The following PTCHD1 variants were observed in gnomAD, a reference collection of about 807,000 sequenced individuals.
The protein encoded by PTCHD1 is patched domain-containing protein 1.
A neutral mutation model predicts 34.6 loss-of-function variants in PTCHD1; 3 were observed. That is an observed-to-expected ratio of 0.09 (90% CI 0.04 to 0.22). The LOEUF is 0.22. PTCHD1 is among the 10% of genes least tolerant of loss of function. The pLI is 1.00. For synonymous variants in PTCHD1, 305 were observed against 283.1 expected (o/e 1.08, Z -0.77); for missense variants, 504 against 685.5 (o/e 0.74, Z 2.96).
At chrX:23,389,872 T>C (rs1005086996) in intron 2 of PTCHD1, among the ~76,000 whole-genome samples, 2 of 112,118 alleles carry the variant, frequency 1.8e-5, no homozygotes, top group African/African-American at 6.5e-5. Flanking sequence ...GCATTTAAAA[T>C]GCAGCAACAG....
At chrX:23,337,963 G>A (rs926692117) in intron 1 of PTCHD1, among the ~76,000 whole-genome samples, 9 of 111,828 alleles carry the variant, frequency 8.0e-5, no homozygotes, top group Non-Finnish European at 1.1e-4. Context: ...GACAGAAAAC[G>A]AAAAGCCAGG....
At chrX:23,354,697 C>G (rs1921752588) in intron 1 of PTCHD1, among the ~76,000 whole-genome samples, 1 of 107,277 alleles carries the variant, frequency 9.3e-6, no homozygotes, top group East Asian at 2.9e-4. Flanking sequence ...CTCAGCCTCC[C>G]GAGTAGCTGC....
intron 1 of PTCHD1, among the ~76,000 whole-genome samples, chrX:23,344,269 C>T (rs1405680786): frequency 8.9e-6 from 1 of 112,218 alleles, no homozygotes; most frequent in Non-Finnish European, 1.9e-5. Flanking sequence ...CTGAGAAACA[C>T]GCTCCTTATT....
Position 23,361,603 on chromosome X carries a change from G to A in PTCHD1, c.352-17988G>A, listed in dbSNP as rs575052291. Among the ~76,000 whole-genome samples the A allele has an allele frequency of 3.4e-4, 38 of 111,565 alleles. 1 individual carries two copies. In the South Asian group the frequency reaches 4.9e-3, roughly 14 times the overall value. On this transcript the variant is annotated intron_variant, in intron 1 of 2. Coordinates refer to ENST00000379361, the MANE Select transcript of PTCHD1 (RefSeq NM_173495.3). ...ACTGATGCGCCTTGAGTCTTTATCC[G>A]ATTTGCCAGTCTGTGTCTTTTAATT...
chrX:23,334,600 G>A (rs1417990006), upstream of PTCHD1: 1 of 107,474 alleles, frequency 9.3e-6, no homozygotes, highest in Non-Finnish European at 1.9e-5. Context: ...GGGCGGAGTG[G>A]GGGCGGCGCA....
intron 1 of PTCHD1, among the ~76,000 whole-genome samples, chrX:23,356,888 T>G (rs1921821666): frequency 9.0e-6 from 1 of 111,646 alleles, no homozygotes; most frequent in Non-Finnish European, 1.9e-5. Flanking sequence ...AGCTGAAGAG[T>G]GCTGAACACC....
rs1569139430 is a variant in PTCHD1, at chrX:23,377,578, GTGTGT to G, written c.352-2012_352-2008del. 5.9e-3 allele frequency among the ~76,000 whole-genome samples: 495 copies of G among 83,334 alleles called. 4 individuals carry two copies. The highest frequency in any genetic ancestry group is 0.022 in the African/African-American group (433 of 19,822). The allele number at this position is 83,334 out of a possible 115,157, so 72.4% of individuals were successfully genotyped here. ...GCTGTGAAAATAGCCTCCTAGGGGT[GTGTGT>G]GTGTGTGTGTGTGTGTGTGTGTGTG... On this transcript the variant is annotated intron_variant, in intron 1 of 2. Coordinates refer to ENST00000379361, the MANE Select transcript of PTCHD1 (RefSeq NM_173495.3).
intron 2 of PTCHD1, among the ~76,000 whole-genome samples, chrX:23,391,621 T>A (rs955178817): frequency 9.0e-6 from 1 of 111,324 alleles, no homozygotes; most frequent in African/African-American, 3.3e-5. Flanking sequence ...TGCCTCTTTA[T>A]CACTAAAACC....
At position 23,396,359 on chromosome X, in the gene PTCHD1, T is replaced by C. The variant is rs1383625023; in HGVS notation, c.*2174T>C. The C allele has an allele frequency of 8.9e-6, 1 of 112,133 alleles. No homozygotes were observed. Among genetic ancestry groups the C allele is most frequent in the African/African-American group, 3.2e-5 (1 of 30,808 alleles). The allele number at this position is 112,133 out of a possible 1,213,427, so 9.2% of individuals were successfully genotyped here. A position where few individuals can be genotyped will look rare whatever the true frequency, so the allele number is the denominator to read the frequency against. ...CAAAAGGGCAAGTTTGCATAATAGA[T>C]CTTCGATCAATTCTCTCTCCAAGGG... On this transcript the variant is annotated 3_prime_UTR_variant, in exon 3 of 3. Transcript: ENST00000379361.
intron 1 of PTCHD1, among the ~76,000 whole-genome samples, chrX:23,354,241 T>A: frequency 9.0e-6 from 1 of 110,708 alleles, no homozygotes; most frequent in Non-Finnish European, 1.9e-5. Flanking sequence ...CCTGGAAAAA[T>A]TAGAGCGGTA....
chrX:23,349,539 A>T (rs890354637), intron 1 of PTCHD1, among the ~76,000 whole-genome samples: 2 of 112,053 alleles, frequency 1.8e-5, no homozygotes, highest in African/African-American at 6.5e-5. Context: ...GACGAAGCTA[A>T]CATCAAAACA....
rs945094289 is a variant in PTCHD1, at chrX:23,348,360, A to C, written c.351+13134A>C. Reference sequence around the variant, plus strand: ...TACACATAATTGGAATACCAGAAGGAGAAGAATGAAGCAGAAGACGTTTGA... The same window carrying C: ...TACACATAATTGGAATACCAGAAGGCGAAGAATGAAGCAGAAGACGTTTGA... On this transcript the variant is annotated intron_variant, in intron 1 of 2. Coordinates refer to ENST00000379361, the MANE Select transcript of PTCHD1 (RefSeq NM_173495.3). Among the ~76,000 whole-genome samples, 17 of 111,181 alleles carry C rather than the reference A, an allele frequency of 1.5e-4. No individual in the cohort carries two copies. In the Admixed American group the frequency reaches 1.6e-3, roughly 11 times the overall value.
chrX:23,365,976 A>T (rs1922129544), intron 1 of PTCHD1, among the ~76,000 whole-genome samples: 1 of 112,320 alleles, frequency 8.9e-6, no homozygotes, highest in African/African-American at 3.2e-5. Context: ...ATATCTATAA[A>T]TCTACAGTTG....
intron 2 of PTCHD1, among the ~76,000 whole-genome samples, chrX:23,380,909 C>G (rs1254988598): frequency 1.8e-5 from 2 of 111,353 alleles, no homozygotes; most frequent in Non-Finnish European, 3.8e-5. Flanking sequence ...GCAGCACACT[C>G]CTGCAGCCAG....
At chrX:23,375,428 A>T (rs998904005) in intron 1 of PTCHD1, among the ~76,000 whole-genome samples, 12 of 110,470 alleles carry the variant, frequency 1.1e-4, no homozygotes, top group South Asian at 3.8e-4. Context: ...TAGCTGGGAT[A>T]ACAGGCGCAC....
chrX:23,335,838 T>C (rs1382388157), intron 1 of PTCHD1, among the ~76,000 whole-genome samples: 1 of 111,751 alleles, frequency 8.9e-6, no homozygotes, highest in Non-Finnish European at 1.9e-5. Context: ...GCTGCTCTCT[T>C]CTCCGGAGCG....
chrX:23,379,956 G>A lies in PTCHD1; in HGVS notation c.717G>A (p.Leu239=), dbSNP rs750469759. ...CCAGCTTCTGCGACACTGTCAGACT[G>A]TTTCAGAAATCCAACAGCAAAGTCA... ...WESSFCDTVR[L]FQKSNSKVKM... is the part of the protein sequence containing the mutation. Residue 239 remains leucine (L), a synonymous_variant, in exon 2 of 3, where the codon CTG becomes CTA. Transcript: ENST00000379361. The A allele has an allele frequency of 2.5e-6, 3 of 1,212,043 alleles. No individual in the cohort carries two copies. Among genetic ancestry groups the A allele is most frequent in the Non-Finnish European group, 3.3e-6 (3 of 895,568 alleles).
intron 1 of PTCHD1, among the ~76,000 whole-genome samples, chrX:23,362,974 A>C (rs150561168): frequency 0.012 from 1,336 of 112,288 alleles, 21 homozygotes; most frequent in African/African-American, 0.041. Context: ...CAGAACAGCA[A>C]ATATTGCAGA....
chrX:23,356,219 T>A (rs1244862100), intron 1 of PTCHD1, among the ~76,000 whole-genome samples: 1 of 112,293 alleles, frequency 8.9e-6, no homozygotes, highest in Non-Finnish European at 1.9e-5. Flanking sequence ...GAGTATTGCG[T>A]GCCTACTCTC....
Sources: allele counts gnomAD v4.1 joint callset (sites outside exome capture counted in the v4.1 genomes callset), GRCh38; gene constraint gnomAD v4.1.1; transcripts MANE v1.5; gene names NCBI Gene and HGNC (gene_info 2026-07-23, HGNC 2026-07-21).